The following KIAA0825 variants were observed in gnomAD, a reference collection of about 807,000 sequenced individuals.
The protein encoded by KIAA0825 is KIAA0825, also known as uncharacterized protein KIAA0825.
Under a neutral mutation model 147.6 loss-of-function variants are expected in KIAA0825, and 119 were observed. That is an observed-to-expected ratio of 0.81 (90% confidence interval 0.69 to 0.94). KIAA0825 has a LOEUF of 0.94. Ranked by LOEUF, KIAA0825 falls within the 40% of genes least tolerant of loss-of-function variation. KIAA0825 has a pLI of 0.00. For missense variants in KIAA0825, 1,381 were observed against 1,472.7 expected, an observed-to-expected ratio of 0.94 and a Z score of 1.02; for synonymous variants, 470 against 518.1, an observed-to-expected ratio of 0.91 and a Z score of 1.26.
intron 13 of KIAA0825, among the ~76,000 whole-genome samples, chr5:94,451,017 T>C (rs1252215496): frequency 1.3e-5 from 2 of 152,104 alleles, no homozygotes; most frequent in African/African-American, 2.4e-5. Context: ...TTGCACTCCA[T>C]AAAAGAAGCA....
chr5:94,477,221 G>T lies in KIAA0825; in HGVS notation c.1133-16C>A, dbSNP rs1176218961. The T allele has an allele frequency of 1.4e-6, 2 of 1,444,350 alleles. No homozygotes were observed. The highest frequency in any genetic ancestry group is 2.0e-5 in the Admixed American group (1 of 50,342). The allele number at this position is 1,444,350 out of a possible 1,614,324, so 89.5% of individuals were successfully genotyped here. On this transcript the variant is annotated splice_polypyrimidine_tract_variant and intron_variant, in intron 6 of 20. Coordinates refer to ENST00000682413, the MANE Select transcript of KIAA0825 (RefSeq NM_001145678.3). ...TCCAAAATTCCTAAGCAATAGAAAA[G>T]AAAACAAACACACTAATATATATTG...
Position 94,471,633 on chromosome 5 carries a change from C to T in KIAA0825, c.1554G>A (p.Glu518=), listed in dbSNP as rs751261379. 2.4e-5 allele frequency: 37 copies of T among 1,551,928 alleles called. No homozygotes were observed. Among genetic ancestry groups the T allele is most frequent in the Non-Finnish European group, 1.7e-6 (2 of 1,147,072 alleles). ...CAGCTGTTGCCACTTTACAACAGGC[C>T]TCCACCAAGTTTGCTCTAATTTCCT... ...SFQEIRANLV[E]ACCKVATAVL... is the part of the protein sequence containing the mutation. The change falls in exon 9 of 21, where the codon GAG becomes GAA. Residue 518 remains glutamate, a synonymous_variant. Coordinates refer to ENST00000682413, the MANE Select transcript of KIAA0825 (RefSeq NM_001145678.3).
chr5:94,240,716 G>A (rs915812759), intron 20 of KIAA0825, among the ~76,000 whole-genome samples: 6 of 152,206 alleles, frequency 3.9e-5, no homozygotes, highest in African/African-American at 1.4e-4. Context: ...AATCCAGGCA[G>A]TGACATTTGC....
chr5:94,168,045 A>G (rs1768220295), intron 20 of KIAA0825, among the ~76,000 whole-genome samples: 1 of 149,788 alleles, frequency 6.7e-6, no homozygotes, highest in Non-Finnish European at 1.5e-5. Context: ...TAAAATATAT[A>G]GAAATACATA....
intron 2 of KIAA0825, among the ~76,000 whole-genome samples, chr5:94,547,426 C>A (rs1014755310): frequency 3.3e-5 from 5 of 152,048 alleles, no homozygotes; most frequent in Admixed American, 2.0e-4. Context: ...ATCAAACTCC[C>A]AAAAGTCATA....
chr5:94,441,474 G>A (rs2150847368), intron 13 of KIAA0825, among the ~76,000 whole-genome samples: 2 of 152,204 alleles, frequency 1.3e-5, no homozygotes, highest in Middle Eastern at 3.4e-3. Flanking sequence ...CTAAATGTTT[G>A]TGTTCCCCCT....
chr5:94,545,771 A>G (rs1774229332), intron 2 of KIAA0825, among the ~76,000 whole-genome samples: 1 of 152,110 alleles, frequency 6.6e-6, no homozygotes, highest in Non-Finnish European at 1.5e-5. Context: ...TTTAGGTGAA[A>G]CCTTGCATAT....
At chr5:94,589,046 G>T (rs1673063516) in intron 1 of KIAA0825, among the ~76,000 whole-genome samples, 1 of 152,154 alleles carries the variant, frequency 6.6e-6, no homozygotes, top group African/African-American at 2.4e-5. Context: ...GGGAGGGATA[G>T]AGTTAGGAGA....
intron 20 of KIAA0825, among the ~76,000 whole-genome samples, chr5:94,159,281 A>G (rs2149913019): frequency 6.6e-6 from 1 of 152,264 alleles, no homozygotes; most frequent in South Asian, 2.1e-4. Context: ...GCCACTTACT[A>G]GCTGTGTGAT....
chr5:94,314,031 AG>A (rs1334790266), intron 20 of KIAA0825, among the ~76,000 whole-genome samples: 2 of 151,564 alleles, frequency 1.3e-5, no homozygotes, highest in Non-Finnish European at 1.5e-5. Flanking sequence ...CAGCTATCTC[AG>A]GGGAACTTCT....
intron 20 of KIAA0825, among the ~76,000 whole-genome samples, chr5:94,169,583 A>T (rs888315582): frequency 4.6e-5 from 7 of 151,852 alleles, no homozygotes; most frequent in Admixed American, 1.3e-4. Flanking sequence ...AAAAAAAAAA[A>T]AGATCTAGAA....
intron 1 of KIAA0825, among the ~76,000 whole-genome samples, chr5:94,612,504 T>C (rs1209991954): frequency 1.3e-5 from 2 of 152,082 alleles, no homozygotes; most frequent in African/African-American, 4.8e-5. Context: ...CCTGAAGGCA[T>C]TTCTTTCCTA....
rs545820253 is a variant in KIAA0825 at position 94,355,068 on chromosome 5, T to C, written c.3710+29300A>G. Among the ~76,000 whole-genome samples the C allele has an allele frequency of 7.2e-5, 11 of 152,314 alleles. 1 individual carries two copies. The East Asian group carries it at 2.1e-3, about 29-fold the overall frequency. ...CCACGCTATAGGTAAATTTAAATAT[T>C]TTCTGGTTGACAATTGTTTGAGTTT... On this transcript the variant is annotated intron_variant, in intron 20 of 20. Coordinates refer to ENST00000682413, the MANE Select transcript of KIAA0825 (RefSeq NM_001145678.3).
intron 14 of KIAA0825, among the ~76,000 whole-genome samples, chr5:94,418,267 T>C (rs897596989): frequency 1.3e-5 from 2 of 152,174 alleles, no homozygotes; most frequent in African/African-American, 2.4e-5. Context: ...GAAATTTTTT[T>C]CCTGTGATTT....
intron 20 of KIAA0825, among the ~76,000 whole-genome samples, chr5:94,271,096 A>G (rs1372849227): frequency 3.3e-5 from 5 of 152,174 alleles, no homozygotes; most frequent in Admixed American, 1.3e-4. Context: ...ATTTGAAATT[A>G]TATCATTGTG....
At chr5:94,239,535 A>T (rs1775242588) in intron 20 of KIAA0825, among the ~76,000 whole-genome samples, 1 of 152,202 alleles carries the variant, frequency 6.6e-6, no homozygotes, top group African/African-American at 2.4e-5. Flanking sequence ...CTATTCAGTT[A>T]TGCTGAGCTA....
intron 20 of KIAA0825, among the ~76,000 whole-genome samples, chr5:94,329,466 T>C (rs1781048045): frequency 6.6e-6 from 1 of 152,146 alleles, no homozygotes; most frequent in Non-Finnish European, 1.5e-5. Context: ...ATCTTCAAAG[T>C]AGAAATAATT....
chr5:94,455,100 C>T (rs1758926620), intron 12 of KIAA0825, among the ~76,000 whole-genome samples: 1 of 152,102 alleles, frequency 6.6e-6, no homozygotes, highest in African/African-American at 2.4e-5. Context: ...ACAGCACATA[C>T]AAGAGCTGTC....
intron 20 of KIAA0825, among the ~76,000 whole-genome samples, chr5:94,295,149 C>T (rs528990872): frequency 4.6e-5 from 7 of 152,062 alleles, no homozygotes; most frequent in Admixed American, 3.9e-4. Context: ...ATCTTGTCTT[C>T]ATGCTTTATT....
Sources: gnomAD v4.1 joint callset for allele counts (sites outside exome capture counted in the v4.1 genomes callset) on GRCh38, gnomAD v4.1.1 for gene constraint, MANE v1.5 for transcripts, NCBI Gene and HGNC (gene_info 2026-07-23, HGNC 2026-07-21) for gene names.